Variants in ZFAND3 observed in about 807,000 individuals in gnomAD.
The protein encoded by ZFAND3 is zinc finger AN1-type containing 3.
A neutral mutation model predicts 29.6 loss-of-function variants in ZFAND3; 10 were observed. The ratio of observed to expected loss-of-function variants is 0.34; its 90% CI spans 0.21 to 0.57. The LOEUF is 0.57. Ranked by LOEUF, ZFAND3 falls within the 20% of genes least tolerant of loss-of-function variation. The probability of loss-of-function intolerance (pLI) is 0.86; values close to 1 mark genes in which losing one functional copy is unlikely to be tolerated. For synonymous variants in ZFAND3, 128 were observed against 112.6 expected (o/e 1.14, Z -0.87); for missense variants, 230 against 304.5 (o/e 0.76, Z 1.82).
rs1419890676 is a variant in ZFAND3, at chr6:38,041,782, T to TCCTC, written c.113-19810_113-19809insCTCC. 1.5e-3 allele frequency among the ~76,000 whole-genome samples: 4 copies of TCCTC among 2,612 alleles called. 2 individuals carry two copies. In the Non-Finnish European group the frequency reaches 0.017, roughly 11 times the overall value. The allele number at this position is 2,612 out of a possible 152,430, so 1.7% of individuals were successfully genotyped here. ...CTCCTCCTCCTCCTCCTCCTCCTCCTCTTCTTTCTTCTTCTTCTCCTCTTC... is the reference window on the plus strand; with the variant it reads ...CTCCTCCTCCTCCTCCTCCTCCTCCTCCTCCTTCTTTCTTCTTCTTCTCCTCTTC... On this transcript the variant is annotated intron_variant, in intron 2 of 5. Transcript: ENST00000287218.
intron 2 of ZFAND3, among the ~76,000 whole-genome samples, chr6:38,045,054 TTTTATTTATTTATTTATTTATTTATTTA>T (rs3047087): frequency 7.4e-6 from 1 of 134,738 alleles, no homozygotes; most frequent in East Asian, 2.1e-4. Context: ...GTGGAAATTC[TTTTATTTATTTATTTATTTATTTATTTA>T]TTTATTTATT....
At chr6:37,895,706 G>A (rs1765191271) in intron 1 of ZFAND3, among the ~76,000 whole-genome samples, 1 of 151,924 alleles carries the variant, frequency 6.6e-6, no homozygotes, top group South Asian at 2.1e-4. Flanking sequence ...AGTTTAAATT[G>A]TATACCAGAG....
chr6:37,963,130 G>T (rs997761548), intron 2 of ZFAND3, among the ~76,000 whole-genome samples: 1 of 152,126 alleles, frequency 6.6e-6, no homozygotes. Context: ...GCGAGGGTCC[G>T]CAGCTTCATT....
At chr6:38,029,817 T>C (rs975837373) in intron 2 of ZFAND3, among the ~76,000 whole-genome samples, 1 of 152,162 alleles carries the variant, frequency 6.6e-6, no homozygotes, top group African/African-American at 2.4e-5. Flanking sequence ...TATCGTCATG[T>C]ATTTTATCTT....
intron 3 of ZFAND3, among the ~76,000 whole-genome samples, chr6:38,068,151 A>G (rs1764382073): frequency 6.6e-6 from 1 of 152,212 alleles, no homozygotes; most frequent in South Asian, 2.1e-4. Flanking sequence ...CAGCTCTTAC[A>G]TAAAACTATA....
At chr6:38,014,105 A>G in intron 2 of ZFAND3, among the ~76,000 whole-genome samples, 1 of 152,102 alleles carries the variant, frequency 6.6e-6, no homozygotes, top group Non-Finnish European at 1.5e-5. Flanking sequence ...GAGAGAGAGA[A>G]TGAGAATGGT....
intron 2 of ZFAND3, among the ~76,000 whole-genome samples, chr6:37,972,763 G>C (rs1407271704): frequency 6.6e-6 from 1 of 151,666 alleles, no homozygotes; most frequent in Non-Finnish European, 1.5e-5. Context: ...TAAAATGGGT[G>C]GGTGAGTGAT....
intron 4 of ZFAND3, among the ~76,000 whole-genome samples, chr6:38,099,500 A>G (rs865914481): frequency 2.0e-5 from 3 of 152,302 alleles, no homozygotes; most frequent in East Asian, 1.9e-4. Flanking sequence ...CCATTCCCAA[A>G]TAGCAGAACC....
intron 2 of ZFAND3, among the ~76,000 whole-genome samples, chr6:37,979,254 G>A (rs1762540450): frequency 6.6e-6 from 1 of 152,106 alleles, no homozygotes; most frequent in African/African-American, 2.4e-5. Context: ...ATCCATCTCT[G>A]CTAATTTCAA....
At chr6:38,055,735 A>G (rs77146128) in intron 2 of ZFAND3, among the ~76,000 whole-genome samples, 39 of 152,344 alleles carry the variant, frequency 2.6e-4, no homozygotes, top group African/African-American at 9.4e-4. Flanking sequence ...TGATTATGAA[A>G]TTAGAAATTC....
intron 1 of ZFAND3, among the ~76,000 whole-genome samples, chr6:37,862,911 G>A (rs1018551247): frequency 2.7e-5 from 4 of 146,548 alleles, no homozygotes; most frequent in South Asian, 4.3e-4. Flanking sequence ...ATTTGTTAAC[G>A]TTTTTTTTTT....
intron 1 of ZFAND3, among the ~76,000 whole-genome samples, chr6:37,839,989 C>G (rs768444296): frequency 6.3e-4 from 96 of 152,068 alleles, no homozygotes; most frequent in African/African-American, 2.1e-3. Flanking sequence ...TTTGCTTGTG[C>G]TTTTGGTATA....
At chr6:37,950,702 GTT>G (rs2052228892) in intron 2 of ZFAND3, among the ~76,000 whole-genome samples, 1 of 152,040 alleles carries the variant, frequency 6.6e-6, no homozygotes, top group Non-Finnish European at 1.5e-5. Context: ...GATGGTTATA[GTT>G]GTATGGCTTT....
intron 2 of ZFAND3, among the ~76,000 whole-genome samples, chr6:37,935,779 A>G (rs1761687666): frequency 6.6e-6 from 1 of 152,190 alleles, no homozygotes; most frequent in South Asian, 2.1e-4. Flanking sequence ...TAAAATAGGG[A>G]ATATTTCATT....
At chr6:37,939,058 T>C (rs543896283) in intron 2 of ZFAND3, among the ~76,000 whole-genome samples, 1 of 152,242 alleles carries the variant, frequency 6.6e-6, no homozygotes, top group African/African-American at 2.4e-5. Context: ...GAGAAAATGT[T>C]AGAATTCCTA....
chr6:37,827,064 C>G (rs184559607), intron 1 of ZFAND3, among the ~76,000 whole-genome samples: 115 of 152,250 alleles, frequency 7.6e-4, no homozygotes, highest in African/African-American at 2.6e-3. Context: ...CTCTAGATCC[C>G]TTTTTTTCTT....
intron 1 of ZFAND3, among the ~76,000 whole-genome samples, chr6:37,909,140 C>A (rs1179701645): frequency 6.6e-6 from 1 of 151,950 alleles, no homozygotes; most frequent in Non-Finnish European, 1.5e-5. Context: ...TTAGAAGTTG[C>A]TTTTGATTTT....
At chr6:38,141,198 G>A (rs1197377468) in intron 5 of ZFAND3, among the ~76,000 whole-genome samples, 1 of 152,212 alleles carries the variant, frequency 6.6e-6, no homozygotes, top group Admixed American at 6.5e-5. Context: ...ATGTGATGCT[G>A]GCACAGTTTG....
At chr6:38,129,527 A>C (rs982889372) in intron 5 of ZFAND3, among the ~76,000 whole-genome samples, 1 of 152,150 alleles carries the variant, frequency 6.6e-6, no homozygotes, top group Non-Finnish European at 1.5e-5. Context: ...ATCCAGTTTC[A>C]TTCTCCTACA....
Sources: gnomAD v4.1 joint callset for allele counts (sites outside exome capture counted in the v4.1 genomes callset) on GRCh38, gnomAD v4.1.1 for gene constraint, MANE v1.5 for transcripts, NCBI Gene and HGNC (gene_info 2026-07-23, HGNC 2026-07-21) for gene names.